The following KDM2B variants were observed in gnomAD, a reference collection of about 807,000 sequenced individuals.
The protein encoded by KDM2B is lysine-specific demethylase 2B.
In KDM2B, 26 loss-of-function variants were observed where a neutral mutation model predicts 150.0. The ratio of observed to expected loss-of-function variants is 0.17; its 90% CI spans 0.13 to 0.24. The LOEUF (loss-of-function observed/expected upper bound fraction) is 0.24. KDM2B is among the 10% of genes least tolerant of loss of function. KDM2B has a pLI of 1.00. For synonymous variants in KDM2B, 734 were observed against 729.5 expected, an observed-to-expected ratio of 1.01 and a Z score of -0.10; for missense variants, 1,265 against 1,816.9, an observed-to-expected ratio of 0.70 and a Z score of 5.52.
chr12:121,497,176 A>T (rs559626177), intron 11 of KDM2B, among the ~76,000 whole-genome samples: 4 of 152,242 alleles, frequency 2.6e-5, no homozygotes, highest in Admixed American at 2.6e-4. Context: ...AGCTTCCCCA[A>T]AGTCCCATAG....
At chr12:121,439,159 C>T (rs551341012) in intron 22 of KDM2B, among the ~76,000 whole-genome samples, 3 of 152,264 alleles carry the variant, frequency 2.0e-5, no homozygotes, top group African/African-American at 4.8e-5. Flanking sequence ...ATGTAAGCAA[C>T]GACAGCAAAG....
At chr12:121,443,190 G>A (rs782153402) in intron 17 of KDM2B, 160 bp from the exon 18 acceptor site, 16 of 671,732 alleles carry the variant, frequency 2.4e-5, no homozygotes, top group East Asian at 8.2e-5. Flanking sequence ...ACAGACGGGC[G>A]AGCCCTGCCT....
At chr12:121,432,437 T>C (rs1873213774) in intron 22 of KDM2B, among the ~76,000 whole-genome samples, 1 of 152,214 alleles carries the variant, frequency 6.6e-6, no homozygotes, top group Non-Finnish European at 1.5e-5. Context: ...TTATTTACTA[T>C]GACATGTTGA....
At chr12:121,559,868 A>C (rs797036087) in intron 4 of KDM2B, among the ~76,000 whole-genome samples, 1 of 150,882 alleles carries the variant, frequency 6.6e-6, no homozygotes, top group African/African-American at 2.4e-5. Flanking sequence ...GTGCCACTGC[A>C]CTCTAGCCTG....
intron 19 of KDM2B, 42 bp from the exon 20 acceptor site, chr12:121,441,275 C>A: frequency 6.3e-7 from 1 of 1,599,274 alleles, no homozygotes; most frequent in Non-Finnish European, 8.5e-7. Flanking sequence ...AGAGGTGGGG[C>A]TCCTCTAGGG....
rs1875687586 is a variant in KDM2B at position 121,444,053 on chromosome 12, G to A, written c.2410C>T (p.Arg804Trp). The A allele has an allele frequency of 5.6e-6, 9 of 1,613,302 alleles. No homozygotes were observed. The highest frequency in any genetic ancestry group is 7.6e-6 in the Non-Finnish European group (9 of 1,179,716). Residue 804 changes from arginine to tryptophan, a missense_variant, in exon 16 of 23, where the codon CGG (arginine) becomes TGG (tryptophan). Arg to Trp is a moderately radical substitution (Grantham distance 101). Transcript: ENST00000377071. ...KSDDVHLRKKRKYEKPQELSG... is the reference protein window; with the variant it reads ...KSDDVHLRKKWKYEKPQELSG... ...AGCTCCTGGGGCTTCTCGTATTTCC[G>A]CTTCTTCCTCAGGTGCACGTCGTCA...
At chr12:121,546,331 CG>C (rs1326979264) in intron 6 of KDM2B, among the ~76,000 whole-genome samples, 2 of 148,596 alleles carry the variant, frequency 1.3e-5, no homozygotes, top group Non-Finnish European at 3.0e-5. Flanking sequence ...AGCCTTTTTT[CG>C]GGGCCCTTTT....
At chr12:121,413,846 A>G in the KDM2B span, among the ~76,000 whole-genome samples, 4 of 152,134 alleles carry the variant, frequency 2.6e-5, no homozygotes, top group Non-Finnish European at 4.4e-5. Flanking sequence ...AAGTGCTGGC[A>G]TTACAGGTGT....
upstream of KDM2B, chr12:121,581,074 C>G: frequency 1.1e-6 from 1 of 891,246 alleles, no homozygotes; most frequent in Non-Finnish European, 1.6e-6. Context: ...GACCGGAAGA[C>G]GTTGCCTTTC....
intron 12 of KDM2B, among the ~76,000 whole-genome samples, chr12:121,484,539 C>T (rs1375291156): frequency 2.0e-5 from 3 of 152,042 alleles, no homozygotes; most frequent in South Asian, 2.1e-4. Context: ...AGATGGAGGC[C>T]GGACATGGTG....
At chr12:121,463,416 C>T (rs920674052) in intron 12 of KDM2B, among the ~76,000 whole-genome samples, 6 of 151,994 alleles carry the variant, frequency 3.9e-5, no homozygotes. Flanking sequence ...CACATGTATA[C>T]CTATATAACA....
At chr12:121,514,374 T>C (rs1885854471) in intron 9 of KDM2B, among the ~76,000 whole-genome samples, 1 of 151,956 alleles carries the variant, frequency 6.6e-6, no homozygotes, top group Admixed American at 6.6e-5. Context: ...GACAGCTTTG[T>C]GTACTAGAAC....
intron 4 of KDM2B, among the ~76,000 whole-genome samples, chr12:121,573,240 T>C (rs1309433481): frequency 6.6e-6 from 1 of 151,828 alleles, no homozygotes; most frequent in Non-Finnish European, 1.5e-5. Flanking sequence ...ATTACAGGCA[T>C]GAGCCACCGT....
rs1211426223 is a variant in KDM2B at position 121,513,940 on chromosome 12, A to AG, written c.1048-539dup. ...CCAGGCCAGCGGACCAATAAGAGTG[A>AG]GGGGGTGTGGCCTCGCCTACCTCCA... On this transcript the variant is annotated intron_variant, in intron 9 of 22. Coordinates refer to ENST00000377071, the MANE Select transcript of KDM2B (RefSeq NM_032590.5). The surrounding 1 kb of genome is among the most constrained non-coding windows in gnomAD (Gnocchi z 5.0). Among the ~76,000 whole-genome samples the AG allele has an allele frequency of 1.3e-5, 2 of 152,044 alleles. No homozygotes were observed. The highest frequency in any genetic ancestry group is 2.4e-5 in the African/African-American group (1 of 41,394).
intron 6 of KDM2B, among the ~76,000 whole-genome samples, chr12:121,541,433 AGGAGGGAG>A (rs1176429637): frequency 4.0e-5 from 5 of 125,544 alleles, no homozygotes; most frequent in African/African-American, 1.5e-4. Flanking sequence ...GACGGAGGGA[AGGAGGGAG>A]GGAGGGAGGG....
chr12:121,535,297 G>C (rs1379146973), intron 6 of KDM2B, among the ~76,000 whole-genome samples: 3 of 151,998 alleles, frequency 2.0e-5, no homozygotes, highest in Non-Finnish European at 2.9e-5. Context: ...GAAAAGTAAG[G>C]GGGGGTTCCA....
downstream of KDM2B, among the ~76,000 whole-genome samples, chr12:121,426,625 T>A (rs1252004499): frequency 1.6e-5 from 2 of 123,102 alleles, no homozygotes; most frequent in African/African-American, 5.8e-5. Flanking sequence ...AAACAATTTT[T>A]TTTTTTTTTT....
At chr12:121,421,043 GT>G in the KDM2B span, among the ~76,000 whole-genome samples, 1 of 151,962 alleles carries the variant, frequency 6.6e-6, no homozygotes, top group African/African-American at 2.4e-5. Context: ...TTAACTATTT[GT>G]TACAACCCTA....
the KDM2B span, among the ~76,000 whole-genome samples, chr12:121,419,505 AC>A: frequency 6.6e-6 from 1 of 152,158 alleles, no homozygotes; most frequent in African/African-American, 2.4e-5. Context: ...TGACTTACAT[AC>A]CCCTTTTGGG....
Sources: allele counts gnomAD v4.1 joint callset (sites outside exome capture counted in the v4.1 genomes callset), GRCh38; gene constraint gnomAD v4.1.1; non-coding constraint Gnocchi (gnomAD v3.1); transcripts MANE v1.5; gene names NCBI Gene and HGNC (gene_info 2026-07-23, HGNC 2026-07-21).